Variants in OTOGL observed in about 807,000 individuals in gnomAD.
OTOGL encodes otogelin-like protein.
A neutral mutation model predicts 318.5 loss-of-function variants in OTOGL; 285 were observed. The ratio of observed to expected loss-of-function variants is 0.89; its 90% CI spans 0.81 to 0.99. The LOEUF is 0.99. OTOGL is among the 50% of genes least tolerant of loss of function. The pLI is 0.00. For synonymous variants in OTOGL, 987 were observed against 936.5 expected (o/e 1.05, Z -0.99); for missense variants, 2,899 against 2,845.6 (o/e 1.02, Z -0.43).
intron 26 of OTOGL, among the ~76,000 whole-genome samples, chr12:80,283,183 C>G (rs755242741): frequency 3.9e-5 from 6 of 151,934 alleles, no homozygotes; most frequent in African/African-American, 7.2e-5. Context: ...CAAGTTCATC[C>G]TTACAATAAT....
intron 52 of OTOGL, among the ~76,000 whole-genome samples, chr12:80,363,137 G>T (rs1017459806): frequency 4.6e-5 from 7 of 152,066 alleles, no homozygotes; most frequent in Admixed American, 4.6e-4. Context: ...TAAAGGCAAG[G>T]CTGAGGAATT....
At chr12:80,288,241 CTTA>C (rs1389195153) in intron 26 of OTOGL, among the ~76,000 whole-genome samples, 1 of 152,118 alleles carries the variant, frequency 6.6e-6, no homozygotes, top group East Asian at 1.9e-4. Flanking sequence ...TGTCTTCTGG[CTTA>C]TAGGGTTTCT....
chr12:80,148,727 A>T (rs1341345289), intron 1 of OTOGL, among the ~76,000 whole-genome samples: 4 of 152,116 alleles, frequency 2.6e-5, no homozygotes, highest in Admixed American at 6.5e-5. Context: ...ACATAGTCCC[A>T]TATTTCTTGG....
intron 52 of OTOGL, among the ~76,000 whole-genome samples, chr12:80,363,552 GAA>G (rs1377254636): frequency 2.4e-5 from 3 of 125,072 alleles, no homozygotes; most frequent in Non-Finnish European, 5.2e-5. Context: ...AAGAGAGAGA[GAA>G]AGAGAGAGAG....
intron 33 of OTOGL, among the ~76,000 whole-genome samples, chr12:80,319,144 G>A (rs1887165680): frequency 6.6e-6 from 1 of 152,160 alleles, no homozygotes; most frequent in Non-Finnish European, 1.5e-5. Context: ...CATTGTGACA[G>A]TCTGTTATTC....
intron 1 of OTOGL, chr12:80,189,341 T>C: frequency 1.5e-6 from 1 of 674,754 alleles, no homozygotes; most frequent in Non-Finnish European, 1.8e-6. Flanking sequence ...TATTTTCTTT[T>C]AGGCATGGAT....
chr12:80,338,966 A>C (rs1234954827), intron 42 of OTOGL, 109 bp from the exon 43 acceptor site: 2 of 957,992 alleles, frequency 2.1e-6, no homozygotes, highest in Non-Finnish European at 3.0e-6. Context: ...ATTTCTTAAA[A>C]AAATTAAAAA....
At position 80,353,389 on chromosome 12, in the gene OTOGL, C is replaced by T; in HGVS notation, c.5472C>T (p.Cys1824=). The part of the protein sequence containing the change: ...PCVRPCEART[C]LNQWFYGHTS... Reference sequence around the variant, plus strand: ...TGCGACCTTGTGAAGCAAGAACATGCCTGAACCAATGGTTCTATGGACACA... The same window carrying T: ...TGCGACCTTGTGAAGCAAGAACATGTCTGAACCAATGGTTCTATGGACACA... Residue 1824 remains cysteine (C), a synonymous_variant, in exon 46 of 59, where the codon TGC becomes TGT. Coordinates refer to ENST00000547103, the MANE Select transcript of OTOGL (RefSeq NM_001378609.3). 1 of 1,602,556 alleles carries T rather than the reference C, an allele frequency of 6.2e-7. No homozygotes were observed. The highest frequency in any genetic ancestry group is 8.5e-7 in the Non-Finnish European group (1 of 1,174,226).
At chr12:80,141,006 T>A (rs1871900012) in intron 1 of OTOGL, among the ~76,000 whole-genome samples, 1 of 152,190 alleles carries the variant, frequency 6.6e-6, no homozygotes, top group African/African-American at 2.4e-5. Flanking sequence ...ATCCTGATAT[T>A]GTTAAAAATA....
At chr12:80,375,734 A>C (rs545874457) in intron 57 of OTOGL, among the ~76,000 whole-genome samples, 1 of 152,156 alleles carries the variant, frequency 6.6e-6, no homozygotes, top group Non-Finnish European at 1.5e-5. Flanking sequence ...GAGGCATCTT[A>C]TAGGTCATGG....
chr12:80,227,834 G>T (rs979719376), intron 7 of OTOGL, among the ~76,000 whole-genome samples: 2 of 151,940 alleles, frequency 1.3e-5, no homozygotes, highest in African/African-American at 2.4e-5. Flanking sequence ...CATCTTTTCA[G>T]CAAGGCCTTC....
intron 26 of OTOGL, among the ~76,000 whole-genome samples, chr12:80,291,741 A>G (rs764458407): frequency 3.9e-5 from 6 of 152,230 alleles, no homozygotes; most frequent in Non-Finnish European, 5.9e-5. Flanking sequence ...TAAAATAACC[A>G]GCGTCTCCAA....
At chr12:80,258,857 C>T (rs536990090) in intron 18 of OTOGL, among the ~76,000 whole-genome samples, 3 of 152,114 alleles carry the variant, frequency 2.0e-5, no homozygotes, top group Middle Eastern at 3.4e-3. Context: ...TACAAAGTTT[C>T]AGCTAGACAG....
chr12:80,154,779 G>C (rs1873011617), intron 1 of OTOGL, among the ~76,000 whole-genome samples: 1 of 152,166 alleles, frequency 6.6e-6, no homozygotes, highest in African/African-American at 2.4e-5. Context: ...ACAGTTTTCA[G>C]CTCCTATAGT....
At chr12:80,213,284 T>A (rs1231814103) in intron 4 of OTOGL, among the ~76,000 whole-genome samples, 1 of 152,236 alleles carries the variant, frequency 6.6e-6, no homozygotes, top group Non-Finnish European at 1.5e-5. Context: ...TCTTTTAGCA[T>A]GTTAATGCAT....
At chr12:80,171,975 T>C (rs1459813743) in intron 1 of OTOGL, among the ~76,000 whole-genome samples, 1 of 152,196 alleles carries the variant, frequency 6.6e-6, no homozygotes, top group Non-Finnish European at 1.5e-5. Context: ...CTTTCTTCTT[T>C]TCCAAGATAG....
chr12:80,151,498 TA>T (rs1192808580), intron 1 of OTOGL, among the ~76,000 whole-genome samples: 1 of 151,934 alleles, frequency 6.6e-6, no homozygotes, highest in African/African-American at 2.4e-5. Flanking sequence ...AAGCTCTCTC[TA>T]AAAAAAATAA....
intron 1 of OTOGL, among the ~76,000 whole-genome samples, chr12:80,136,207 G>A (rs1305592851): frequency 6.6e-6 from 1 of 151,612 alleles, no homozygotes; most frequent in Non-Finnish European, 1.5e-5. Flanking sequence ...TTCTCTCTTG[G>A]TCCCACTAGA....
intron 37 of OTOGL, among the ~76,000 whole-genome samples, chr12:80,330,181 C>T (rs144771904): frequency 2.2e-4 from 34 of 152,128 alleles, no homozygotes; most frequent in Non-Finnish European, 1.8e-4. Flanking sequence ...ACAAAGGACT[C>T]ATGGTAAGAA....
Sources: allele counts gnomAD v4.1 joint callset (sites outside exome capture counted in the v4.1 genomes callset), GRCh38; gene constraint gnomAD v4.1.1; transcripts MANE v1.5; gene names NCBI Gene and HGNC (gene_info 2026-07-23, HGNC 2026-07-21).